The following FNBP1L variants were observed in gnomAD, a reference collection of about 807,000 sequenced individuals.
FNBP1L encodes formin binding protein 1 like, also known as formin-binding protein 1-like.
In FNBP1L, 36 loss-of-function variants were observed where a neutral mutation model predicts 91.2. The ratio of observed to expected loss-of-function variants is 0.39; its 90% CI spans 0.30 to 0.52. The LOEUF is 0.52. Ranked by LOEUF, FNBP1L falls within the 20% of genes least tolerant of loss-of-function variation. FNBP1L has a pLI of 0.66. For missense variants in FNBP1L, 571 were observed against 732.1 expected, an observed-to-expected ratio of 0.78 and a Z score of 2.54; for synonymous variants, 242 against 237.0, an observed-to-expected ratio of 1.02 and a Z score of -0.19.
At chr1:93,526,248 A>G (rs1671489905) in intron 5 of FNBP1L, among the ~76,000 whole-genome samples, 1 of 152,174 alleles carries the variant, frequency 6.6e-6, no homozygotes, top group Non-Finnish European at 1.5e-5. Context: ...GTAACAGAGC[A>G]TACAGTTTTA....
intron 1 of FNBP1L, among the ~76,000 whole-genome samples, chr1:93,455,396 T>A (rs147098287): frequency 6.6e-6 from 1 of 152,216 alleles, no homozygotes; most frequent in Non-Finnish European, 1.5e-5. Context: ...GCTGTATTGC[T>A]CAGTCTGGTC....
chr1:93,522,052 A>G (rs1386280684), intron 2 of FNBP1L, 30 bp from the exon 3 acceptor site: 10 of 1,399,388 alleles, frequency 7.1e-6, no homozygotes, highest in Non-Finnish European at 9.6e-6. Context: ...TGAAATTTTT[A>G]ATAAACTTTA....
intron 1 of FNBP1L, among the ~76,000 whole-genome samples, chr1:93,455,261 T>C (rs1237213611): frequency 6.6e-6 from 1 of 152,202 alleles, no homozygotes; most frequent in Non-Finnish European, 1.5e-5. Flanking sequence ...GGCACAGTCA[T>C]AGCTCACCGC....
intron 1 of FNBP1L, among the ~76,000 whole-genome samples, chr1:93,450,928 T>G (rs765336235): frequency 1.2e-4 from 19 of 152,230 alleles, no homozygotes; most frequent in Non-Finnish European, 2.4e-4. Context: ...GGGGGACTTT[T>G]GTAGTGATGT....
intron 2 of FNBP1L, among the ~76,000 whole-genome samples, chr1:93,508,322 C>G (rs1208675173): frequency 1.3e-5 from 2 of 152,104 alleles, no homozygotes; most frequent in African/African-American, 4.8e-5. Flanking sequence ...GTACTCCAGC[C>G]TGGGTGACAG....
At chr1:93,448,391 A>T in intron 1 of FNBP1L, 86 bp downstream of exon 1, 1 of 1,388,340 alleles carries the variant, frequency 7.2e-7, no homozygotes, top group Non-Finnish European at 9.4e-7. Flanking sequence ...TCGGCGGTGA[A>T]AGCGCGCTCC....
At chr1:93,522,000 A>T (rs377646631) in intron 2 of FNBP1L, 82 bp from the exon 3 acceptor site, 2 of 784,078 alleles carry the variant, frequency 2.6e-6, no homozygotes. Context: ...TTCATGATTG[A>T]ATGAAATTGA....
At chr1:93,470,972 C>CT (rs1333397487) in intron 1 of FNBP1L, among the ~76,000 whole-genome samples, 1 of 151,358 alleles carries the variant, frequency 6.6e-6, no homozygotes, top group African/African-American at 2.4e-5. Flanking sequence ...GTTTCTATAA[C>CT]TAAGATATTT....
chr1:93,522,349 C>A, intron 3 of FNBP1L, among the ~76,000 whole-genome samples: 1 of 152,004 alleles, frequency 6.6e-6, no homozygotes, highest in East Asian at 1.9e-4. Flanking sequence ...TAGTCAGATA[C>A]AGATTTTCAA....
At position 93,449,135 on chromosome 1, in the gene FNBP1L, C is replaced by T. The variant is rs936850985; in HGVS notation, c.24+830C>T. On this transcript the variant is annotated intron_variant, in intron 1 of 16. Transcript: ENST00000271234. Reference sequence around the variant, plus strand: ...TCTCCTTCGTTCTCTCCTTTCCTTTCCTCCTTGCCTTTCTTTGGCACAGGA... The same window carrying T: ...TCTCCTTCGTTCTCTCCTTTCCTTTTCTCCTTGCCTTTCTTTGGCACAGGA... Among the ~76,000 whole-genome samples, 3 of 152,240 alleles carry T rather than the reference C, an allele frequency of 2.0e-5. No homozygotes were observed. The East Asian group carries it at 5.8e-4, about 29-fold the overall frequency.
intron 1 of FNBP1L, among the ~76,000 whole-genome samples, chr1:93,490,924 TTC>T (rs1670070680): frequency 6.6e-6 from 1 of 152,180 alleles, no homozygotes; most frequent in South Asian, 2.1e-4. Flanking sequence ...ATGACTTTGA[TTC>T]TTACATTTTA....
Position 93,533,014 on chromosome 1 carries a change from T to C in FNBP1L, c.732T>C (p.Ile244=), listed in dbSNP as rs779301575. The change falls in exon 8 of 17, where the codon ATT becomes ATC. Residue 244 remains isoleucine, a synonymous_variant. Transcript: ENST00000271234. ...CAGAACGCAAAGTTATTCCCATCAT[T>C]TCAAAATGTTTGGAAGGAATGATTC... ...ADSERKVIPI[I]SKCLEGMILA... The C allele has an allele frequency of 6.2e-7, 1 of 1,613,376 alleles. No homozygotes were observed. The highest frequency in any genetic ancestry group is 2.2e-5 in the East Asian group (1 of 44,816).
chr1:93,487,729 A>T (rs1007037919), intron 1 of FNBP1L, among the ~76,000 whole-genome samples: 4 of 152,204 alleles, frequency 2.6e-5, no homozygotes, highest in African/African-American at 9.7e-5. Flanking sequence ...CTTATAAATT[A>T]TGCCACACTT....
At chr1:93,450,288 T>C (rs375398727) in intron 1 of FNBP1L, among the ~76,000 whole-genome samples, 8 of 152,204 alleles carry the variant, frequency 5.3e-5, no homozygotes, top group African/African-American at 1.7e-4. Flanking sequence ...AGATAAACTG[T>C]AGAAGAGATG....
intron 2 of FNBP1L, among the ~76,000 whole-genome samples, chr1:93,502,407 T>TA (rs912531775): frequency 6.6e-6 from 1 of 151,982 alleles, no homozygotes; most frequent in East Asian, 1.9e-4. Context: ...TTTATAAGAT[T>TA]AAAAAAAACT....
chr1:93,486,359 A>G (rs1190771248), intron 1 of FNBP1L, among the ~76,000 whole-genome samples: 6 of 152,180 alleles, frequency 3.9e-5, no homozygotes, highest in African/African-American at 1.4e-4. Context: ...TTAGAGTTTC[A>G]GATGTAAAAA....
chr1:93,465,375 C>T (rs1020864151), intron 1 of FNBP1L, among the ~76,000 whole-genome samples: 1 of 151,864 alleles, frequency 6.6e-6, no homozygotes, highest in African/African-American at 2.4e-5. Context: ...CCCAACAGGC[C>T]GCGGTGTGTG....
At chr1:93,552,202 T>C in intron 16 of FNBP1L, 3 of 1,353,190 alleles carry the variant, frequency 2.2e-6, no homozygotes, top group Non-Finnish European at 1.9e-6. Context: ...GACCACACCC[T>C]GAGTCAGTGG....
intron 1 of FNBP1L, among the ~76,000 whole-genome samples, chr1:93,457,607 C>T (rs1185063907): frequency 6.6e-6 from 1 of 151,878 alleles, no homozygotes; most frequent in African/African-American, 2.4e-5. Context: ...TCTGGATTCT[C>T]CTTTTTACTT....
Sources: gnomAD v4.1 joint callset for allele counts (sites outside exome capture counted in the v4.1 genomes callset) on GRCh38, gnomAD v4.1.1 for gene constraint, MANE v1.5 for transcripts, NCBI Gene and HGNC (gene_info 2026-07-23, HGNC 2026-07-21) for gene names.